Variants in MPP7 observed in about 807,000 individuals in gnomAD.
MPP7 encodes the protein MAGUK p55 scaffold protein 7.
MPP7 carries 60 observed loss-of-function variants against 76.5 expected under a neutral mutation model. The ratio of observed to expected loss-of-function variants is 0.78; its 90% CI spans 0.64 to 0.97. The LOEUF is 0.97. Ranked by LOEUF, MPP7 falls within the 50% of genes least tolerant of loss-of-function variation. The pLI is 0.00. For synonymous variants in MPP7, 237 were observed against 244.5 expected, an observed-to-expected ratio of 0.97 and a Z score of 0.29; for missense variants, 641 against 694.0, an observed-to-expected ratio of 0.92 and a Z score of 0.86.
chr10:28,055,440 G>C (rs7904621), intron 16 of MPP7, among the ~76,000 whole-genome samples: 2,107 of 152,138 alleles, frequency 0.014, 50 homozygotes, highest in African/African-American at 0.048. Context: ...CTAATTAAGA[G>C]GGGCAAGAAA....
chr10:28,303,863 T>A (rs1841223464), upstream of MPP7, among the ~76,000 whole-genome samples: 1 of 152,104 alleles, frequency 6.6e-6, no homozygotes, highest in Non-Finnish European at 1.5e-5. Context: ...GTGACCGAGG[T>A]GCCCCCATAC....
chr10:28,268,934 A>G (rs969551066), intron 1 of MPP7, among the ~76,000 whole-genome samples: 4 of 152,098 alleles, frequency 2.6e-5, no homozygotes, highest in African/African-American at 9.7e-5. Flanking sequence ...AAAACAAAGA[A>G]AAAGAAAATG....
At chr10:28,074,352 C>A (rs1442099608) in intron 12 of MPP7, among the ~76,000 whole-genome samples, 1 of 151,812 alleles carries the variant, frequency 6.6e-6, no homozygotes. Context: ...GGCTGGAGTA[C>A]AATGGCGTGA....
chr10:28,076,323 A>T (rs899442818), intron 12 of MPP7, among the ~76,000 whole-genome samples: 11 of 152,200 alleles, frequency 7.2e-5, no homozygotes, highest in Non-Finnish European at 2.9e-5. Context: ...GGCGAAAGAC[A>T]TAAGTGCTTA....
At chr10:28,112,826 T>C (rs1199087853) in intron 11 of MPP7, among the ~76,000 whole-genome samples, 1 of 148,288 alleles carries the variant, frequency 6.7e-6, no homozygotes, top group Non-Finnish European at 1.5e-5. Flanking sequence ...AGTACTATAA[T>C]CCCCATTTTT....
rs565927622 is a variant in MPP7, at chr10:28,253,771, G to A, written c.-131-15036C>T. On this transcript the variant is annotated intron_variant, in intron 1 of 16. Coordinates refer to ENST00000683449, the MANE Select transcript of MPP7 (RefSeq NM_001318170.2). The stretch of plus-strand genomic sequence containing the variant: ...AGCATTTTCGGAGGCCAAGGCGGGT[G>A]GATCACTTGAGCTCAGGAGTTCAAG... Among the ~76,000 whole-genome samples the A allele has an allele frequency of 5.3e-5, 8 of 151,952 alleles. No individual in the cohort carries two copies. In the South Asian group the frequency reaches 1.5e-3, roughly 28 times the overall value.
intron 11 of MPP7, chr10:28,118,122 T>C (rs1213004431): frequency 5.1e-6 from 5 of 979,286 alleles, no homozygotes; most frequent in East Asian, 1.1e-4. Flanking sequence ...AAAGAAATCA[T>C]GCAAATCAAC....
At position 28,299,324 on chromosome 10, in the gene MPP7, A is replaced by G. The variant is rs139608619; in HGVS notation, c.-132+3537T>C. Among the ~76,000 whole-genome samples the G allele has an allele frequency of 3.8e-4, 58 of 152,296 alleles. 1 individual carries two copies. In the East Asian group the frequency reaches 0.011, roughly 29 times the overall value. ...AGAGTTATTAATTGGCCTAATTTCA[A>G]TATTGTTGTGTCTCAGGGAATAGGG... On this transcript the variant is annotated intron_variant, in intron 1 of 16. Coordinates refer to ENST00000683449, the MANE Select transcript of MPP7 (RefSeq NM_001318170.2).
intron 3 of MPP7, among the ~76,000 whole-genome samples, chr10:28,194,411 C>A (rs1837512970): frequency 6.6e-6 from 1 of 152,222 alleles, no homozygotes; most frequent in South Asian, 2.1e-4. Context: ...ACACAAAAAC[C>A]TGCACACAAA....
rs774210562 is a variant in MPP7, at chr10:28,131,702, C to T, written c.316-11G>A. The T allele has an allele frequency of 2.6e-6, 4 of 1,520,388 alleles. No individual in the cohort carries two copies. Among genetic ancestry groups the T allele is most frequent in the Non-Finnish European group, 3.6e-6 (4 of 1,126,436 alleles). The allele number at this position is 1,520,388 out of a possible 1,614,324, so 94.2% of individuals were successfully genotyped here. ...TACAGAGAGCAAAGCCTGTAATATT[C>T]AAAGGTTGATTTAAATAAGTAAATA... is the stretch of plus-strand genomic sequence containing the variant. On this transcript the variant is annotated splice_polypyrimidine_tract_variant and intron_variant, in intron 5 of 16. Coordinates refer to ENST00000683449, the MANE Select transcript of MPP7 (RefSeq NM_001318170.2).
chr10:28,298,048 A>G (rs1841074397), intron 1 of MPP7, among the ~76,000 whole-genome samples: 1 of 152,222 alleles, frequency 6.6e-6, no homozygotes, highest in Non-Finnish European at 1.5e-5. Flanking sequence ...TCAGTATACT[A>G]TTTCCACCAC....
intron 2 of MPP7, among the ~76,000 whole-genome samples, chr10:28,323,216 C>A (rs1005142379): frequency 6.6e-6 from 1 of 151,920 alleles, no homozygotes; most frequent in Non-Finnish European, 1.5e-5. Context: ...ACCTTGGAGG[C>A]GGAGCTTGCA....
chr10:28,212,991 G>A (rs1341773187), intron 2 of MPP7, among the ~76,000 whole-genome samples: 4 of 152,146 alleles, frequency 2.6e-5, no homozygotes, highest in Non-Finnish European at 5.9e-5. Flanking sequence ...TCAGGCTGTA[G>A]TGCAGTGCCA....
rs147999424 is a variant in MPP7 at position 28,150,001 on chromosome 10, G to A, written c.215C>T (p.Ala72Val). The A allele has an allele frequency of 1.6e-3, 2,593 of 1,613,306 alleles. 5 individuals are homozygous for A. The highest frequency in any genetic ancestry group is 1.6e-3 in the Non-Finnish European group (1,880 of 1,179,754). Residue 72 changes from alanine to valine, a missense_variant, in exon 4 of 17, where the codon GCG becomes GTG. Transcript: ENST00000683449. ...KQSPVPILHG[A>V]AALADDLAEE... ...ACTTACATCATCGGCCAAGGCCGCCGCACCATGGAGAATGGGCACCGGACT... is the reference window on the plus strand; with the variant it reads ...ACTTACATCATCGGCCAAGGCCGCCACACCATGGAGAATGGGCACCGGACT...
chr10:28,217,442 G>A (rs938915776), intron 2 of MPP7, among the ~76,000 whole-genome samples: 1 of 150,594 alleles, frequency 6.6e-6, no homozygotes, highest in South Asian at 2.1e-4. Context: ...CACGAGAATC[G>A]CTTGAACCCG....
At chr10:28,183,559 C>T (rs749295779) in intron 3 of MPP7, among the ~76,000 whole-genome samples, 9 of 152,118 alleles carry the variant, frequency 5.9e-5, no homozygotes, top group Non-Finnish European at 1.3e-4. Context: ...GAAGCTGAGG[C>T]AGGAGGGCTG....
chr10:28,242,238 A>AG (rs1477571687), intron 1 of MPP7, among the ~76,000 whole-genome samples: 1 of 152,248 alleles, frequency 6.6e-6, no homozygotes, highest in African/African-American at 2.4e-5. Context: ...TCATTTCAGA[A>AG]GAATAAGTGT....
At chr10:28,329,796 T>C (rs1390642849) in intron 2 of MPP7, 2 of 152,188 alleles carry the variant, frequency 1.3e-5, no homozygotes, top group Admixed American at 6.5e-5. Context: ...TAACTGAGGA[T>C]ATGCACATTT....
chr10:28,261,933 T>TGAGGTCAA (rs5784048), intron 1 of MPP7, among the ~76,000 whole-genome samples: 15,601 of 150,902 alleles, frequency 0.1, 1,223 homozygotes, highest in East Asian at 0.39. Context: ...GTGGATTGCT[T>TGAGGTCAA]GAGGTCAAGA....
Sources: allele counts gnomAD v4.1 joint callset (sites outside exome capture counted in the v4.1 genomes callset), GRCh38; gene constraint gnomAD v4.1.1; transcripts MANE v1.5; gene names NCBI Gene and HGNC (gene_info 2026-07-23, HGNC 2026-07-21).